The following GALNT13 variants were observed in gnomAD, a reference collection of about 807,000 sequenced individuals.
GALNT13 encodes the protein polypeptide N-acetylgalactosaminyltransferase 13, also known as UDP-GalNAc:polypeptide N-acetylgalactosaminyltransferase 13.
In GALNT13, 28 loss-of-function variants were observed where a neutral mutation model predicts 64.2. The ratio of observed to expected loss-of-function variants is 0.44; its 90% CI spans 0.32 to 0.60. The LOEUF (loss-of-function observed/expected upper bound fraction) is 0.60. Ranked by LOEUF, GALNT13 falls within the 20% of genes least tolerant of loss-of-function variation. The pLI is 0.05. For missense variants in GALNT13, 577 were observed against 669.8 expected, an observed-to-expected ratio of 0.86 and a Z score of 1.53; for synonymous variants, 214 against 224.6, an observed-to-expected ratio of 0.95 and a Z score of 0.42.
At chr2:153,548,179 T>G in the GALNT13 span, among the ~76,000 whole-genome samples, 9 of 152,194 alleles carry the variant, frequency 5.9e-5, no homozygotes, top group Admixed American at 2.0e-4. Flanking sequence ...GGGAACTTGT[T>G]AAAATGCAAG....
chr2:154,266,257 C>T (rs1022419659), intron 8 of GALNT13, among the ~76,000 whole-genome samples: 2 of 152,086 alleles, frequency 1.3e-5, no homozygotes, highest in African/African-American at 2.4e-5. Flanking sequence ...TAACATTATA[C>T]TGGAAGTTTT....
intron 3 of GALNT13, among the ~76,000 whole-genome samples, chr2:154,082,494 T>C (rs1485068527): frequency 6.6e-6 from 1 of 151,732 alleles, no homozygotes; most frequent in East Asian, 1.9e-4. Flanking sequence ...GCATACCTTA[T>C]GTGCAACTCT....
chr2:153,855,012 C>G, the GALNT13 span, among the ~76,000 whole-genome samples: 8 of 151,954 alleles, frequency 5.3e-5, no homozygotes, highest in African/African-American at 1.5e-4. Flanking sequence ...TATAAACAAG[C>G]CTACATGTAT....
intron 4 of GALNT13, among the ~76,000 whole-genome samples, chr2:154,236,896 T>C (rs1689221549): frequency 6.6e-6 from 1 of 152,044 alleles, no homozygotes; most frequent in African/African-American, 2.4e-5. Flanking sequence ...ATTGGTATTT[T>C]CCTATCTGAT....
the GALNT13 span, among the ~76,000 whole-genome samples, chr2:153,792,474 C>G: frequency 6.6e-6 from 1 of 152,090 alleles, no homozygotes; most frequent in African/African-American, 2.4e-5. Flanking sequence ...TTTTGGTATT[C>G]ACAAGGGGTC....
At chr2:154,287,077 C>T (rs1282241761) in intron 8 of GALNT13, 6 of 807,296 alleles carry the variant, frequency 7.4e-6, no homozygotes, top group Admixed American at 1.8e-5. Flanking sequence ...GGCTCATCCA[C>T]CCACCTTTGG....
intron 9 of GALNT13, among the ~76,000 whole-genome samples, chr2:154,317,982 G>A (rs1694414779): frequency 6.6e-6 from 1 of 151,382 alleles, no homozygotes; most frequent in South Asian, 2.1e-4. Flanking sequence ...CAGACTATCA[G>A]TTTGTAGATA....
At chr2:154,284,663 G>GAT (rs1250516739) in intron 8 of GALNT13, among the ~76,000 whole-genome samples, 1 of 152,068 alleles carries the variant, frequency 6.6e-6, no homozygotes, top group Non-Finnish European at 1.5e-5. Flanking sequence ...TGAGAATGCA[G>GAT]ATATCTCCTT....
rs150749304 is a variant in GALNT13 at position 154,447,316 on chromosome 2, T to A, written c.1531-3095T>A. The stretch of plus-strand genomic sequence containing the variant: ...TAAGATGTGATTTTTAATACCTTTA[T>A]AAAGAAAATTATTTCTAAGCATTTC... On this transcript the variant is annotated intron_variant, in intron 12 of 12. Transcript: ENST00000392825. Among the ~76,000 whole-genome samples, 369 of 152,138 alleles carry A rather than the reference T, an allele frequency of 2.4e-3. 2 individuals carry two copies. The highest frequency in any genetic ancestry group is 8.6e-3 in the African/African-American group (356 of 41,566).
At chr2:154,361,872 T>A (rs1574160431) in intron 9 of GALNT13, among the ~76,000 whole-genome samples, 1 of 151,986 alleles carries the variant, frequency 6.6e-6, no homozygotes, top group South Asian at 2.1e-4. Context: ...TCCTAAGACT[T>A]CTTAGTTTAG....
chr2:153,990,082 G>C (rs527559999), intron 3 of GALNT13, among the ~76,000 whole-genome samples: 2 of 152,044 alleles, frequency 1.3e-5, no homozygotes. Flanking sequence ...ATGAAAAATA[G>C]TTCTATATAG....
chr2:153,180,185 T>G, the GALNT13 span, among the ~76,000 whole-genome samples: 1 of 152,184 alleles, frequency 6.6e-6, no homozygotes, highest in Non-Finnish European at 1.5e-5. Flanking sequence ...GTCCTTATTG[T>G]GTTTAGGTAC....
chr2:154,203,472 G>A (rs1286956001), intron 4 of GALNT13, among the ~76,000 whole-genome samples: 1 of 152,086 alleles, frequency 6.6e-6, no homozygotes, highest in Non-Finnish European at 1.5e-5. Flanking sequence ...TAGAAAGATA[G>A]ATAGATACAT....
the GALNT13 span, among the ~76,000 whole-genome samples, chr2:153,562,472 A>G: frequency 6.6e-6 from 1 of 152,072 alleles, no homozygotes. Context: ...TTTGGCTGTA[A>G]TAGACGTCTT....
the GALNT13 span, among the ~76,000 whole-genome samples, chr2:153,661,526 A>G: frequency 1.6e-4 from 24 of 152,260 alleles, no homozygotes; most frequent in South Asian, 6.2e-4. Context: ...AAACAATACA[A>G]AGGAACAATT....
At chr2:154,064,376 G>A (rs958771881) in intron 3 of GALNT13, among the ~76,000 whole-genome samples, 1 of 152,178 alleles carries the variant, frequency 6.6e-6, no homozygotes, top group African/African-American at 2.4e-5. Context: ...TGGGGAGCAT[G>A]TGATCTAATG....
At chr2:153,303,583 A>G in the GALNT13 span, among the ~76,000 whole-genome samples, 2 of 152,150 alleles carry the variant, frequency 1.3e-5, no homozygotes, top group Non-Finnish European at 1.5e-5. Context: ...TTCTGGTACT[A>G]TGTTGAATAG....
intron 8 of GALNT13, among the ~76,000 whole-genome samples, chr2:154,272,603 T>A (rs1357551958): frequency 6.6e-6 from 1 of 152,096 alleles, no homozygotes; most frequent in East Asian, 1.9e-4. Context: ...ATGAAGAATG[T>A]TAATGTGCTC....
chr2:154,266,717 A>G (rs1691022721), intron 8 of GALNT13, among the ~76,000 whole-genome samples: 1 of 151,836 alleles, frequency 6.6e-6, no homozygotes, highest in Non-Finnish European at 1.5e-5. Context: ...TAGCAAGTGT[A>G]TTGTATTTAC....
Sources: gnomAD v4.1 joint callset for allele counts (sites outside exome capture counted in the v4.1 genomes callset) on GRCh38, gnomAD v4.1.1 for gene constraint, MANE v1.5 for transcripts, NCBI Gene and HGNC (gene_info 2026-07-23, HGNC 2026-07-21) for gene names.